The following SUSD5 variants were observed in gnomAD, a reference collection of about 807,000 sequenced individuals.
SUSD5 encodes the protein sushi domain containing 5, also known as sushi domain-containing protein 5.
Under a neutral mutation model 29.5 loss-of-function variants are expected in SUSD5, and 33 were observed. The observed-to-expected ratio is 1.12, with a 90% CI of 0.85 to 1.49. The LOEUF is 1.49. Among genes scored for constraint, SUSD5 ranks in the 40% most tolerant of loss-of-function variants. The pLI, the probability that SUSD5 is intolerant of heterozygous loss-of-function variation, is 0.00. For missense variants in SUSD5, 776 were observed against 800.6 expected, an observed-to-expected ratio of 0.97 and a Z score of 0.37; for synonymous variants, 308 against 325.3, an observed-to-expected ratio of 0.95 and a Z score of 0.57.
At position 33,167,554 on chromosome 3, in the gene SUSD5, G is replaced by A. The variant is rs750835698; in HGVS notation, c.598+7332C>T. On this transcript the variant is annotated intron_variant, in intron 4 of 4. Coordinates refer to ENST00000309558, the MANE Select transcript of SUSD5 (RefSeq NM_015551.2). The surrounding 1 kb of genome is among the most constrained non-coding windows in gnomAD (Gnocchi z 4.1). ...ACCCTGGGCAGAAGCCCAGGGCCCC[G>A]AACTAAGCTCTTCCTGTCTCCCCAG... Among the ~76,000 whole-genome samples, 2 of 152,140 alleles carry A rather than the reference G, an allele frequency of 1.3e-5. No individual in the cohort carries two copies. Among genetic ancestry groups the A allele is most frequent in the East Asian group, 1.9e-4 (1 of 5,192 alleles).
intron 3 of SUSD5, among the ~76,000 whole-genome samples, chr3:33,201,971 T>G (rs576419203): frequency 6.6e-6 from 1 of 152,294 alleles, no homozygotes; most frequent in South Asian, 2.1e-4. Flanking sequence ...TGGAAAAATA[T>G]TCATCTCTTA....
At chr3:33,161,237 G>A (rs1167257230) in intron 4 of SUSD5, among the ~76,000 whole-genome samples, 1 of 152,190 alleles carries the variant, frequency 6.6e-6, no homozygotes, top group Non-Finnish European at 1.5e-5. Context: ...CATAGAAGCT[G>A]GGAGGAGGTA....
rs1174407095 is a variant in SUSD5 at position 33,204,897 on chromosome 3, TG to T, written c.409+2910del. Among the ~76,000 whole-genome samples, 3 of 152,220 alleles carry T rather than the reference TG, an allele frequency of 2.0e-5. No individual in the cohort carries two copies. The highest frequency in any genetic ancestry group is 4.4e-5 in the Non-Finnish European group (3 of 68,042). On this transcript the variant is annotated intron_variant, in intron 3 of 4. Coordinates refer to ENST00000309558, the MANE Select transcript of SUSD5 (RefSeq NM_015551.2). This position sits in a 1 kb window ranked among gnomAD's most constrained non-coding sequence, Gnocchi z 4.5. ...ATAAAAGCAAGGAACCCACCTTTTATGCAGGTTCACCAATGTGTTTTCATTT... is the reference window on the plus strand; with the variant it reads ...ATAAAAGCAAGGAACCCACCTTTTATCAGGTTCACCAATGTGTTTTCATTT...
intron 4 of SUSD5, among the ~76,000 whole-genome samples, chr3:33,158,718 G>A (rs1168118778): frequency 6.6e-6 from 1 of 152,182 alleles, no homozygotes; most frequent in Admixed American, 6.5e-5. Flanking sequence ...AGGTTCTGCT[G>A]TTGAGGATGA....
At chr3:33,205,594 G>A (rs1020875157) in intron 3 of SUSD5, among the ~76,000 whole-genome samples, 1 of 152,136 alleles carries the variant, frequency 6.6e-6, no homozygotes, top group Non-Finnish European at 1.5e-5. Context: ...CTCAACCTTT[G>A]GCTCCATGCA....
rs186014714 is a variant in SUSD5 at position 33,206,268 on chromosome 3, G to A, written c.409+1540C>T. Among the ~76,000 whole-genome samples, 912 of 152,154 alleles carry A rather than the reference G, an allele frequency of 6.0e-3. 6 individuals carry two copies. The highest frequency in any genetic ancestry group is 0.021 in the African/African-American group (872 of 41,496). ...GGGCGCCTGTAATCCTAGCTACTCA[G>A]GAGGCTGAGGCAGGAGAATCGCATG... On this transcript the variant is annotated intron_variant, in intron 3 of 4. Coordinates refer to ENST00000309558, the MANE Select transcript of SUSD5 (RefSeq NM_015551.2).
At chr3:33,159,432 C>T (rs1362546619) in intron 4 of SUSD5, among the ~76,000 whole-genome samples, 2 of 152,138 alleles carry the variant, frequency 1.3e-5, no homozygotes, top group South Asian at 2.1e-4. Context: ...GCCCACACCC[C>T]ATATTTCACT....
chr3:33,173,136 CAT>C (rs1163804275), intron 4 of SUSD5, among the ~76,000 whole-genome samples: 1 of 152,206 alleles, frequency 6.6e-6, no homozygotes, highest in Non-Finnish European at 1.5e-5. Context: ...GCCCTATTAA[CAT>C]GTGATAAGTG....
At chr3:33,206,912 C>T (rs991561326) in intron 3 of SUSD5, among the ~76,000 whole-genome samples, 1 of 152,026 alleles carries the variant, frequency 6.6e-6, no homozygotes, top group South Asian at 2.1e-4. Flanking sequence ...TAATTACTCC[C>T]CCCACCCCTC....
Position 33,153,145 on chromosome 3 carries a change from T to A in SUSD5, c.1487A>T (p.Glu496Val), listed in dbSNP as rs752601586. The A allele has an allele frequency of 6.8e-6, 11 of 1,613,778 alleles. 1 individual carries two copies. The South Asian group carries it at 1.2e-4, about 18-fold the overall frequency. The change falls in exon 5 of 5, where the codon GAG becomes GTG. Residue 496 changes from glutamate to valine, a missense_variant. Glu to Val is a moderately radical substitution (Grantham distance 121, BLOSUM62 -2). Transcript: ENST00000309558. ...CTTGACAGTGTTCACTGTTAATATC[T>A]CCAGGGTGGAGCTGGTGAGCTCATA... ...LSYELTSSTL[E>V]ILTVNTVKQT...
chr3:33,190,178 A>C (rs2031863122), intron 3 of SUSD5: 1 of 153,728 alleles, frequency 6.5e-6, no homozygotes, highest in Non-Finnish European at 1.5e-5. Flanking sequence ...TGGTACACAT[A>C]AAAAAGTCAT....
intron 1 of SUSD5, among the ~76,000 whole-genome samples, chr3:33,216,395 C>T (rs1419941989): frequency 6.6e-6 from 1 of 152,090 alleles, no homozygotes; most frequent in Non-Finnish European, 1.5e-5. Context: ...CCAAAACAAA[C>T]AAACAAAAGC....
At chr3:33,172,180 A>AACACACACACACACACACACAC (rs10576154) in intron 4 of SUSD5, among the ~76,000 whole-genome samples, 1 of 148,450 alleles carries the variant, frequency 6.7e-6, no homozygotes, top group South Asian at 2.2e-4. Flanking sequence ...ACTCTTGTAA[A>AACACACACACACACACACACAC]ACACACACAC....
intron 4 of SUSD5, chr3:33,168,594 T>C: frequency 2.0e-6 from 2 of 985,386 alleles, no homozygotes; most frequent in Non-Finnish European, 2.4e-6. Flanking sequence ...CTCAGGGCCC[T>C]GGAGGCAGCA....
chr3:33,216,078 C>T lies in SUSD5; in HGVS notation c.113-1973G>A, dbSNP rs111777644. 5.2e-4 allele frequency among the ~76,000 whole-genome samples: 79 copies of T among 151,920 alleles called. 2 individuals carry two copies. The highest frequency in any genetic ancestry group is 1.8e-3 in the African/African-American group (73 of 41,426). On this transcript the variant is annotated intron_variant, in intron 1 of 4. Transcript: ENST00000309558. ...TGCTTTTTTCAAATGAATAATAAAA[C>T]GGATAAACCCCTACTAAGACTGATC... is the stretch of plus-strand genomic sequence containing the variant.
chr3:33,177,769 G>C (rs1247886405), intron 3 of SUSD5, among the ~76,000 whole-genome samples: 4 of 152,178 alleles, frequency 2.6e-5, no homozygotes, highest in African/African-American at 7.2e-5. Flanking sequence ...CTGCAATCCT[G>C]CTATAATTGC....
chr3:33,181,136 T>TTACA (rs1270206456), intron 3 of SUSD5, among the ~76,000 whole-genome samples: 1 of 152,040 alleles, frequency 6.6e-6, no homozygotes, highest in East Asian at 1.9e-4. Context: ...ATTTATAAAG[T>TTACA]TACAATAAAC....
At chr3:33,178,772 G>A (rs2031607590) in intron 3 of SUSD5, among the ~76,000 whole-genome samples, 1 of 152,112 alleles carries the variant, frequency 6.6e-6, no homozygotes, top group Admixed American at 6.6e-5. Flanking sequence ...TCTTTGTTTG[G>A]TTTTGGTGTT....
chr3:33,202,867 G>T (rs1559455754), intron 3 of SUSD5, among the ~76,000 whole-genome samples: 1 of 151,408 alleles, frequency 6.6e-6, no homozygotes, highest in Non-Finnish European at 1.5e-5. Flanking sequence ...GGAGGAAGCT[G>T]CCTGAACATT....
Sources: allele counts gnomAD v4.1 joint callset (sites outside exome capture counted in the v4.1 genomes callset), GRCh38; gene constraint gnomAD v4.1.1; non-coding constraint Gnocchi (gnomAD v3.1); transcripts MANE v1.5; gene names NCBI Gene and HGNC (gene_info 2026-07-23, HGNC 2026-07-21).